The following DLG2 variants were observed in gnomAD, a reference collection of about 807,000 sequenced individuals.
DLG2 encodes the protein discs large MAGUK scaffold protein 2.
A neutral mutation model predicts 132.5 loss-of-function variants in DLG2; 45 were observed. That is an observed-to-expected ratio of 0.34 (90% CI 0.27 to 0.44). The LOEUF (loss-of-function observed/expected upper bound fraction) is 0.44. DLG2 is among the 20% of genes least tolerant of loss of function. The pLI is 1.00. For missense variants in DLG2, 1,045 were observed against 1,196.9 expected, an observed-to-expected ratio of 0.87 and a Z score of 1.87; for synonymous variants, 424 against 419.6, an observed-to-expected ratio of 1.01 and a Z score of -0.13.
chr11:84,179,495 G>T (rs893336234), intron 8 of DLG2, among the ~76,000 whole-genome samples: 1 of 152,140 alleles, frequency 6.6e-6, no homozygotes. Context: ...TGAATTGTTA[G>T]ATGCTCAATG....
chr11:84,648,805 G>C (rs991435154), intron 6 of DLG2, among the ~76,000 whole-genome samples: 1 of 151,032 alleles, frequency 6.6e-6, no homozygotes, highest in Non-Finnish European at 1.5e-5. Flanking sequence ...CACACACACA[G>C]ACACACAATG....
At chr11:85,054,793 A>G (rs1200101316) in intron 6 of DLG2, among the ~76,000 whole-genome samples, 1 of 152,204 alleles carries the variant, frequency 6.6e-6, no homozygotes, top group East Asian at 1.9e-4. Context: ...ATTCTCATTT[A>G]TAAGTGGGAG....
At chr11:83,701,831 G>A (rs768483294) in intron 18 of DLG2, among the ~76,000 whole-genome samples, 6 of 152,254 alleles carry the variant, frequency 3.9e-5, no homozygotes, top group Non-Finnish European at 5.9e-5. Flanking sequence ...GAACAAGTGA[G>A]CCAGCTTGAT....
chr11:84,834,681 CATTTTGGAGGA>C (rs2079487981), intron 6 of DLG2, among the ~76,000 whole-genome samples: 1 of 150,872 alleles, frequency 6.6e-6, no homozygotes. Context: ...GCAGGGCAAA[CATTTTGGAGGA>C]ATAAGTCATT....
intron 3 of DLG2, among the ~76,000 whole-genome samples, chr11:85,565,926 CCA>C (rs1048717039): frequency 1.3e-5 from 2 of 152,076 alleles, no homozygotes; most frequent in African/African-American, 2.4e-5. Context: ...TGAGAAACTG[CCA>C]CACAGTTTTT....
intron 10 of DLG2, among the ~76,000 whole-genome samples, chr11:84,083,520 C>T (rs553552528): frequency 6.6e-6 from 1 of 152,176 alleles, no homozygotes; most frequent in East Asian, 1.9e-4. Context: ...GGAGGTCAGG[C>T]CTAATAACAG....
intron 16 of DLG2, among the ~76,000 whole-genome samples, chr11:83,843,700 A>G (rs957123976): frequency 6.6e-6 from 1 of 152,154 alleles, no homozygotes; most frequent in Non-Finnish European, 1.5e-5. Flanking sequence ...ATTGTCCTCT[A>G]CAGGTCGGGT....
intron 18 of DLG2, among the ~76,000 whole-genome samples, chr11:83,759,669 C>T (rs2093814913): frequency 6.6e-6 from 1 of 152,098 alleles, no homozygotes; most frequent in African/African-American, 2.4e-5. Flanking sequence ...TTCCTGTTGA[C>T]ACAAAATCAC....
chr11:83,547,961 C>A (rs951900942), intron 19 of DLG2, among the ~76,000 whole-genome samples: 1 of 152,086 alleles, frequency 6.6e-6, no homozygotes, highest in Non-Finnish European at 1.5e-5. Flanking sequence ...GAAGAGATTG[C>A]AGAAATACAG....
chr11:83,948,266 G>T (rs1169237897), intron 14 of DLG2, among the ~76,000 whole-genome samples: 1 of 152,112 alleles, frequency 6.6e-6, no homozygotes, highest in Non-Finnish European at 1.5e-5. Flanking sequence ...TCTACTTCAA[G>T]GTCAATCCAA....
chr11:84,165,940 C>T (rs976123183), intron 8 of DLG2, among the ~76,000 whole-genome samples: 1 of 152,034 alleles, frequency 6.6e-6, no homozygotes, highest in Non-Finnish European at 1.5e-5. Flanking sequence ...AACAAAGCAT[C>T]CCATGTCTAC....
At chr11:84,907,529 G>T (rs1027499728) in intron 6 of DLG2, among the ~76,000 whole-genome samples, 2 of 152,164 alleles carry the variant, frequency 1.3e-5, no homozygotes, top group Non-Finnish European at 2.9e-5. Flanking sequence ...GAGTTTATGT[G>T]TGAGTCAGTC....
chr11:84,151,095 T>C (rs2095278351), intron 9 of DLG2, among the ~76,000 whole-genome samples: 1 of 152,082 alleles, frequency 6.6e-6, no homozygotes, highest in Non-Finnish European at 1.5e-5. Flanking sequence ...TCTGCCAAAT[T>C]TGGGTATCAG....
intron 6 of DLG2, among the ~76,000 whole-genome samples, chr11:84,844,808 TTTG>T (rs1456793656): frequency 1.3e-5 from 2 of 152,192 alleles, no homozygotes; most frequent in African/African-American, 2.4e-5. Flanking sequence ...GGTTAAATTA[TTTG>T]TTGTTTTGCA....
At chr11:85,056,381 C>T (rs1012263174) in intron 6 of DLG2, among the ~76,000 whole-genome samples, 1 of 151,742 alleles carries the variant, frequency 6.6e-6, no homozygotes, top group Non-Finnish European at 1.5e-5. Context: ...ATTCAGAATT[C>T]AATAGGGGAA....
intron 6 of DLG2, among the ~76,000 whole-genome samples, chr11:84,911,381 A>T (rs541710811): frequency 6.6e-6 from 1 of 151,974 alleles, no homozygotes; most frequent in East Asian, 1.9e-4. Context: ...TGACTTAATT[A>T]TATCCCATTA....
At chr11:84,089,672 T>A (rs578234490) in intron 10 of DLG2, among the ~76,000 whole-genome samples, 25 of 152,336 alleles carry the variant, frequency 1.6e-4, no homozygotes, top group Non-Finnish European at 2.8e-4. Context: ...AAAGACAACC[T>A]TACCTGTAAA....
chr11:84,631,635 G>A (rs1594340526), intron 6 of DLG2, among the ~76,000 whole-genome samples: 1 of 152,142 alleles, frequency 6.6e-6, no homozygotes, highest in East Asian at 1.9e-4. Flanking sequence ...TATTACAATA[G>A]GCCATACTTC....
chr11:83,975,705 G>C (rs569450658), intron 12 of DLG2, among the ~76,000 whole-genome samples: 1 of 151,922 alleles, frequency 6.6e-6, no homozygotes, highest in Non-Finnish European at 1.5e-5. Flanking sequence ...CTGGAAGAGA[G>C]AGAAAAGGTC....
Sources: allele counts gnomAD v4.1 joint callset (sites outside exome capture counted in the v4.1 genomes callset), GRCh38; gene constraint gnomAD v4.1.1; transcripts MANE v1.5; gene names NCBI Gene and HGNC (gene_info 2026-07-23, HGNC 2026-07-21).